BRINP3: variants seen among roughly 807,000 people sequenced by gnomAD.
BRINP3 encodes BMP/retinoic acid inducible neural specific 3.
In BRINP3, 19 loss-of-function variants were observed where a neutral mutation model predicts 71.0. The ratio of observed to expected loss-of-function variants is 0.27; its 90% CI spans 0.19 to 0.39. BRINP3 has a LOEUF of 0.39. Ranked by LOEUF, BRINP3 falls within the 10% of genes least tolerant of loss-of-function variation. The probability of loss-of-function intolerance (pLI) is 1.00; values close to 1 mark genes in which losing one functional copy is unlikely to be tolerated. For missense variants in BRINP3, 959 were observed against 940.8 expected, an observed-to-expected ratio of 1.02 and a Z score of -0.25; for synonymous variants, 380 against 337.7, an observed-to-expected ratio of 1.13 and a Z score of -1.37.
chr1:190,159,780 G>T (rs571559880), intron 7 of BRINP3, among the ~76,000 whole-genome samples: 1 of 148,056 alleles, frequency 6.8e-6, no homozygotes, highest in African/African-American at 2.5e-5. Flanking sequence ...TGGTTGCATA[G>T]TTTTTTTTTT....
intron 3 of BRINP3, among the ~76,000 whole-genome samples, chr1:190,276,622 T>G (rs1249632981): frequency 6.6e-6 from 1 of 150,764 alleles, no homozygotes; most frequent in East Asian, 2.0e-4. Context: ...ATTGGAGGCA[T>G]AGTTTTACAT....
chr1:190,444,087 C>T (rs1675025518), intron 2 of BRINP3, among the ~76,000 whole-genome samples: 1 of 151,508 alleles, frequency 6.6e-6, no homozygotes, highest in South Asian at 2.1e-4. Flanking sequence ...ACAAAATTAG[C>T]TGGGGGGTGG....
chr1:190,278,719 T>A (rs1217223305), intron 3 of BRINP3, among the ~76,000 whole-genome samples: 1 of 151,626 alleles, frequency 6.6e-6, no homozygotes, highest in Non-Finnish European at 1.5e-5. Context: ...GGTTGTTAAT[T>A]CCATCTCTTT....
intron 1 of BRINP3, among the ~76,000 whole-genome samples, chr1:190,460,989 G>A (rs188206113): frequency 2.6e-5 from 4 of 152,210 alleles, no homozygotes; most frequent in Admixed American, 2.0e-4. Context: ...ATAGCTTCAT[G>A]ACTAGTTTTC....
chr1:190,434,007 T>C (rs907667763), intron 2 of BRINP3, among the ~76,000 whole-genome samples: 2 of 152,142 alleles, frequency 1.3e-5, no homozygotes, highest in African/African-American at 4.8e-5. Flanking sequence ...CTAATATGAG[T>C]AGTAAAGACC....
chr1:190,291,072 C>T (rs1331339247), intron 2 of BRINP3, among the ~76,000 whole-genome samples: 1 of 151,880 alleles, frequency 6.6e-6, no homozygotes, highest in Non-Finnish European at 1.5e-5. Context: ...ATATATCAAA[C>T]AGAAGCAAAA....
At chr1:190,126,456 C>G (rs1373479861) in intron 7 of BRINP3, among the ~76,000 whole-genome samples, 3 of 151,862 alleles carry the variant, frequency 2.0e-5, no homozygotes, top group African/African-American at 7.2e-5. Context: ...AGAGGTATAT[C>G]CTGTTAAAAT....
intron 4 of BRINP3, among the ~76,000 whole-genome samples, chr1:190,237,078 A>C (rs564651096): frequency 6.6e-6 from 1 of 152,078 alleles, no homozygotes; most frequent in South Asian, 2.1e-4. Flanking sequence ...AATTCATGTA[A>C]GAAAATTAAA....
At chr1:190,340,844 G>C (rs1246289079) in intron 2 of BRINP3, among the ~76,000 whole-genome samples, 1 of 151,696 alleles carries the variant, frequency 6.6e-6, no homozygotes, top group Non-Finnish European at 1.5e-5. Context: ...AGAGTACCTG[G>C]ATTCTAATGT....
chr1:190,475,138 G>C (rs973972194), intron 1 of BRINP3, among the ~76,000 whole-genome samples: 1 of 152,120 alleles, frequency 6.6e-6, no homozygotes, highest in Non-Finnish European at 1.5e-5. Context: ...AGGAGTGACC[G>C]TCAGCAATAA....
chr1:190,299,567 A>C, intron 2 of BRINP3, among the ~76,000 whole-genome samples: 1 of 142,088 alleles, frequency 7.0e-6, no homozygotes, highest in Non-Finnish European at 1.5e-5. Flanking sequence ...ATATCTCCCA[A>C]TGCTATCCCA....
intron 6 of BRINP3, among the ~76,000 whole-genome samples, chr1:190,181,808 G>A (rs906964730): frequency 4.6e-5 from 7 of 151,890 alleles, no homozygotes; most frequent in Admixed American, 2.6e-4. Context: ...GAAAATGAAA[G>A]TTGATTTTAT....
intron 2 of BRINP3, among the ~76,000 whole-genome samples, chr1:190,310,412 A>T (rs924504063): frequency 4.0e-5 from 6 of 151,716 alleles, no homozygotes; most frequent in African/African-American, 1.2e-4. Context: ...AAGTTAAACT[A>T]CATATTTTCT....
chr1:190,212,309 T>G (rs1374904505), intron 6 of BRINP3, among the ~76,000 whole-genome samples: 1 of 152,104 alleles, frequency 6.6e-6, no homozygotes, highest in East Asian at 1.9e-4. Flanking sequence ...AGAGATTAAA[T>G]GACTTTCTAA....
intron 3 of BRINP3, among the ~76,000 whole-genome samples, chr1:190,281,113 G>T (rs573099631): frequency 6.6e-6 from 1 of 151,328 alleles, no homozygotes; most frequent in East Asian, 1.9e-4. Context: ...CACTTTTTCC[G>T]TACCAGCTAC....
intron 4 of BRINP3, among the ~76,000 whole-genome samples, chr1:190,240,309 T>C (rs1172651072): frequency 6.6e-6 from 1 of 152,100 alleles, no homozygotes; most frequent in Non-Finnish European, 1.5e-5. Flanking sequence ...GAAATGCTTT[T>C]TAGAGTATTT....
At chr1:190,221,133 G>A (rs1214279296) in intron 6 of BRINP3, among the ~76,000 whole-genome samples, 1 of 152,066 alleles carries the variant, frequency 6.6e-6, no homozygotes, top group East Asian at 1.9e-4. Context: ...CAAGAGAATC[G>A]CTTGAACCCG....
intron 6 of BRINP3, among the ~76,000 whole-genome samples, chr1:190,164,366 A>G (rs1296927336): frequency 6.6e-6 from 1 of 152,154 alleles, no homozygotes; most frequent in South Asian, 2.1e-4. Flanking sequence ...TAAATCAACT[A>G]AAATAACTCA....
At position 190,416,337 on chromosome 1, in the gene BRINP3, C is replaced by T. The variant is rs138916339; in HGVS notation, c.236+38318G>A. Among the ~76,000 whole-genome samples, 1,225 of 152,178 alleles carry T rather than the reference C, an allele frequency of 8.0e-3. 21 individuals are homozygous for T. Among genetic ancestry groups the T allele is most frequent in the African/African-American group, 0.028 (1,154 of 41,504 alleles). On this transcript the variant is annotated intron_variant, in intron 2 of 7. Transcript: ENST00000367462. ...TTCAATCTGTTGACTGACTAATAAACATCCACTAGATGGTAATAGTGCTTA... is the reference window on the plus strand; with the variant it reads ...TTCAATCTGTTGACTGACTAATAAATATCCACTAGATGGTAATAGTGCTTA...
Sources: allele counts gnomAD v4.1 joint callset (sites outside exome capture counted in the v4.1 genomes callset), GRCh38; gene constraint gnomAD v4.1.1; transcripts MANE v1.5; gene names NCBI Gene and HGNC (gene_info 2026-07-23, HGNC 2026-07-21).